The following MCFD2 variants were observed in gnomAD, a reference collection of about 807,000 sequenced individuals.
MCFD2 encodes multiple coagulation factor deficiency 2, ER cargo receptor complex subunit.
In MCFD2, 11 loss-of-function variants were observed where a neutral mutation model predicts 12.8. The observed-to-expected ratio is 0.86, with a 90% CI of 0.54 to 1.42. MCFD2 has a LOEUF of 1.42. MCFD2 is among the 40% of genes most tolerant of loss of function. The pLI, the probability that MCFD2 is intolerant of heterozygous loss-of-function variation, is 0.00. For synonymous variants in MCFD2, 70 were observed against 68.1 expected (o/e 1.03, Z -0.14); for missense variants, 191 against 178.6 (o/e 1.07, Z -0.40).
intron 1 of MCFD2, among the ~76,000 whole-genome samples, chr2:46,930,109 T>C (rs779006961): frequency 2.6e-5 from 4 of 152,192 alleles, no homozygotes; most frequent in Non-Finnish European, 5.9e-5. Context: ...TTCCCTACTG[T>C]TATTTAAGTA....
chr2:46,924,400 T>C (rs1669279803), intron 1 of MCFD2, among the ~76,000 whole-genome samples: 1 of 152,102 alleles, frequency 6.6e-6, no homozygotes, highest in South Asian at 2.1e-4. Flanking sequence ...TGAGCTTAGC[T>C]CTCCAATTAA....
At chr2:46,939,865 G>T (rs1670186897) in intron 1 of MCFD2, among the ~76,000 whole-genome samples, 1 of 152,216 alleles carries the variant, frequency 6.6e-6, no homozygotes, top group South Asian at 2.1e-4. Context: ...CAGACTGCTT[G>T]ACTAAACTGT....
At chr2:46,925,950 T>C (rs151030880) in intron 1 of MCFD2, among the ~76,000 whole-genome samples, 90 of 152,324 alleles carry the variant, frequency 5.9e-4, no homozygotes, top group African/African-American at 2.0e-3. Flanking sequence ...TAAGATCTTA[T>C]TTTTTGGAGG....
At chr2:46,919,502 C>T (rs1024471415), upstream of MCFD2, among the ~76,000 whole-genome samples, 1 of 152,264 alleles carries the variant, frequency 6.6e-6, no homozygotes, top group East Asian at 1.9e-4. Context: ...CATTGCTCTT[C>T]AGCCTGGGCA....
chr2:46,913,239 A>G (rs143592101), intron 1 of MCFD2, among the ~76,000 whole-genome samples: 1 of 152,276 alleles, frequency 6.6e-6, no homozygotes, highest in Non-Finnish European at 1.5e-5. Context: ...AAATTCCTCC[A>G]AGTGGTACAC....
chr2:46,916,069 C>T, upstream of MCFD2: 2 of 985,460 alleles, frequency 2.0e-6, no homozygotes, highest in Non-Finnish European at 2.4e-6. Flanking sequence ...ACGCCGGAAG[C>T]CCTCAGGAAC....
intron 1 of MCFD2, among the ~76,000 whole-genome samples, chr2:46,929,633 G>A (rs1020304596): frequency 6.6e-5 from 10 of 152,156 alleles, no homozygotes; most frequent in Non-Finnish European, 1.3e-4. Context: ...CGGGGGTACA[G>A]CTAACACAGA....
intron 1 of MCFD2, among the ~76,000 whole-genome samples, chr2:46,909,912 G>T (rs1051669319): frequency 2.0e-5 from 3 of 152,202 alleles, no homozygotes; most frequent in Non-Finnish European, 4.4e-5. Flanking sequence ...CTTGGTTTCA[G>T]AATGACTCAT....
chr2:46,908,014 A>T lies in MCFD2; in HGVS notation c.150-45T>A. ...TTCAGGCCAATTGACAGATACTGGGATCATGCTGAAATCTTAAGGACTCTG... is the reference window on the plus strand; with the variant it reads ...TTCAGGCCAATTGACAGATACTGGGTTCATGCTGAAATCTTAAGGACTCTG... On this transcript the variant is annotated intron_variant, in intron 2 of 3. Transcript: ENST00000319466. This position sits in a 1 kb window ranked among gnomAD's most constrained non-coding sequence, Gnocchi z 4.5. 6.2e-7 allele frequency: 1 copy of T among 1,608,510 alleles called. No individual in the cohort carries two copies. The highest frequency in any genetic ancestry group is 8.5e-7 in the Non-Finnish European group (1 of 1,176,296).
chr2:46,924,951 C>A (rs189325232), intron 1 of MCFD2, among the ~76,000 whole-genome samples: 12 of 152,328 alleles, frequency 7.9e-5, no homozygotes, highest in Non-Finnish European at 1.5e-4. Context: ...TTCAAGAGTA[C>A]TCTTAGTTTT....
intron 1 of MCFD2, among the ~76,000 whole-genome samples, chr2:46,932,546 A>G (rs1173266875): frequency 6.6e-6 from 1 of 152,196 alleles, no homozygotes; most frequent in Non-Finnish European, 1.5e-5. Flanking sequence ...TACACAACAA[A>G]AAATGTTTTT....
In MCFD2 at chr2:46,902,449, C is replaced by T. The variant is rs886056107; in HGVS notation, c.*3014G>A. The T allele has an allele frequency of 9.2e-5, 14 of 152,490 alleles. No homozygotes were observed. The East Asian group carries it at 1.5e-3, about 17-fold the overall frequency. The allele number at this position is 152,490 out of a possible 1,614,324, so 9.4% of individuals were successfully genotyped here. On this transcript the variant is annotated 3_prime_UTR_variant, in exon 4 of 4. Transcript: ENST00000319466. ...AACTGCAAATAAAAAACCCTAGAAA[C>T]GAGTGAAATAGAAAAGAAAGCTAAA...
Position 46,908,746 on chromosome 2 carries a change from T to C in MCFD2, c.149+277A>G. On this transcript the variant is annotated intron_variant, in intron 2 of 3. Coordinates refer to ENST00000319466, the MANE Select transcript of MCFD2 (RefSeq NM_139279.6). The surrounding 1 kb of genome is among the most constrained non-coding windows in gnomAD (Gnocchi z 4.5). ...GTATGTGTACCTGTGTGTCTATTTG[T>C]ATGTGTGTGTGTCTGTCTGTGGTGA... is the stretch of plus-strand genomic sequence containing the variant. 1 of 499,830 alleles carries C rather than the reference T, an allele frequency of 2.0e-6. No individual in the cohort carries two copies. 31.0% of individuals were successfully genotyped at this position (499,830 alleles called of 1,614,324 possible).
intron 1 of MCFD2, among the ~76,000 whole-genome samples, chr2:46,923,764 C>T (rs1001353226): frequency 3.3e-4 from 50 of 151,824 alleles, no homozygotes; most frequent in Non-Finnish European, 6.2e-4. Context: ...CAAAGTCTCA[C>T]TCTTGTCCAC....
At chr2:46,932,139 G>A (rs1669738150) in intron 1 of MCFD2, among the ~76,000 whole-genome samples, 1 of 151,758 alleles carries the variant, frequency 6.6e-6, no homozygotes, top group African/African-American at 2.4e-5. Context: ...AAGCAATGTA[G>A]GGCTTCTGGG....
chr2:46,915,560 G>T (rs1303901089), intron 1 of MCFD2, among the ~76,000 whole-genome samples, 163 bp downstream of exon 1: 1 of 152,166 alleles, frequency 6.6e-6, no homozygotes. Context: ...TTCCGCCCCG[G>T]GAGACAGGCC....
At chr2:46,935,413 C>CA (rs1286895117) in intron 1 of MCFD2, among the ~76,000 whole-genome samples, 2 of 151,358 alleles carry the variant, frequency 1.3e-5, no homozygotes, top group Non-Finnish European at 2.9e-5. Flanking sequence ...TGAGCTTAAG[C>CA]AAAAAAAATA....
At chr2:46,917,722 A>G (rs1322759193), upstream of MCFD2, among the ~76,000 whole-genome samples, 1 of 152,114 alleles carries the variant, frequency 6.6e-6, no homozygotes, top group East Asian at 1.9e-4. Flanking sequence ...CCACCATACC[A>G]CTGAAACTGC....
At chr2:46,933,587 A>G (rs575484045) in intron 1 of MCFD2, among the ~76,000 whole-genome samples, 2 of 152,314 alleles carry the variant, frequency 1.3e-5, no homozygotes, top group African/African-American at 4.8e-5. Flanking sequence ...GAAATTAAGT[A>G]AGACATAAGA....
Sources: gnomAD v4.1 joint callset for allele counts (sites outside exome capture counted in the v4.1 genomes callset) on GRCh38, gnomAD v4.1.1 for gene constraint, Gnocchi (gnomAD v3.1) non-coding constraint, MANE v1.5 for transcripts, NCBI Gene and HGNC (gene_info 2026-07-23, HGNC 2026-07-21) for gene names.